GMPR: variants seen among roughly 807,000 people sequenced by gnomAD.
GMPR encodes the protein GMP reductase 1.
GMPR carries 31 observed loss-of-function variants against 38.4 expected under a neutral mutation model. The ratio of observed to expected loss-of-function variants is 0.81; its 90% CI spans 0.61 to 1.09. GMPR has a LOEUF of 1.09. GMPR is among the 50% of genes least tolerant of loss of function. The probability of loss-of-function intolerance (pLI) is 0.00; values close to 1 mark genes in which losing one functional copy is unlikely to be tolerated. For synonymous variants in GMPR, 162 were observed against 173.3 expected (o/e 0.93, Z 0.51); for missense variants, 468 against 453.7 (o/e 1.03, Z -0.29).
At chr6:16,250,505 A>G in intron 3 of GMPR, 138 bp downstream of exon 3, 1 of 651,902 alleles carries the variant, frequency 1.5e-6, no homozygotes, top group African/African-American at 1.8e-5. Flanking sequence ...ATTGCCAGGG[A>G]TTTGCTGAGA....
At chr6:16,270,169 TTA>T (rs896335749) in intron 4 of GMPR, among the ~76,000 whole-genome samples, 1 of 152,232 alleles carries the variant, frequency 6.6e-6, no homozygotes, top group Non-Finnish European at 1.5e-5. Flanking sequence ...TGGCCACTTT[TTA>T]TGTCTTTTCC....
chr6:16,292,744 C>T (rs1029631857), intron 8 of GMPR, among the ~76,000 whole-genome samples: 1 of 152,146 alleles, frequency 6.6e-6, no homozygotes, highest in African/African-American at 2.4e-5. Flanking sequence ...GTGGCTGCAT[C>T]TGTTTTGGGT....
chr6:16,263,591 ATGCAGAGATAAGAGGTCGGGT>A (rs1210704345), intron 4 of GMPR, among the ~76,000 whole-genome samples: 12 of 151,428 alleles, frequency 7.9e-5, no homozygotes, highest in East Asian at 5.8e-4. Flanking sequence ...AGGGGTTGGG[ATGCAGAGATAAGAGGTCGGGT>A]TGCAGAGATA....
chr6:16,243,539 C>A (rs1581644447), intron 1 of GMPR, among the ~76,000 whole-genome samples: 2 of 152,170 alleles, frequency 1.3e-5, no homozygotes, highest in Non-Finnish European at 1.5e-5. Flanking sequence ...CTTTTTGAGC[C>A]ACTAGGACTA....
At chr6:16,259,698 T>A (rs1233310745) in intron 4 of GMPR, among the ~76,000 whole-genome samples, 3 of 151,996 alleles carry the variant, frequency 2.0e-5, no homozygotes, top group Admixed American at 6.6e-5. Flanking sequence ...TTTGTATGAA[T>A]TGAAAAACTA....
intron 4 of GMPR, among the ~76,000 whole-genome samples, chr6:16,264,946 T>C (rs1759161650): frequency 1.3e-5 from 2 of 152,218 alleles, no homozygotes; most frequent in African/African-American, 2.4e-5. Context: ...CAGGGATTTT[T>C]AGAGAACACC....
At chr6:16,263,200 C>CTGA (rs1759121428) in intron 4 of GMPR, 1 of 151,742 alleles carries the variant, frequency 6.6e-6, no homozygotes, top group African/African-American at 2.4e-5. Context: ...TAGAGAGGGA[C>CTGA]CGATGTGTAA....
intron 4 of GMPR, chr6:16,258,970 C>G (rs1759029365): frequency 6.6e-6 from 1 of 152,212 alleles, no homozygotes; most frequent in Non-Finnish European, 1.5e-5. Flanking sequence ...GCTTGTCGCT[C>G]CCTGTGCCCA....
chr6:16,264,895 C>G lies in GMPR; in HGVS notation c.466-9520C>G, dbSNP rs1006159793. ...TAGCTTGGGCTCAGAGGCCTGACACCTTTCACCTAAGATGGGCCTTGCCAC... is the reference window on the plus strand; with the variant it reads ...TAGCTTGGGCTCAGAGGCCTGACACGTTTCACCTAAGATGGGCCTTGCCAC... On this transcript the variant is annotated intron_variant, in intron 4 of 8. Coordinates refer to ENST00000259727, the MANE Select transcript of GMPR (RefSeq NM_006877.4). Among the ~76,000 whole-genome samples, 80 of 151,522 alleles carry G rather than the reference C, an allele frequency of 5.3e-4. 1 individual carries two copies. The highest frequency in any genetic ancestry group is 1.0e-3 in the South Asian group (5 of 4,768).
At chr6:16,265,857 G>A (rs747992130) in intron 4 of GMPR, among the ~76,000 whole-genome samples, 42 of 152,248 alleles carry the variant, frequency 2.8e-4, no homozygotes, top group Non-Finnish European at 4.3e-4. Flanking sequence ...GCTGCTGCTC[G>A]CTCTTTGGGT....
At chr6:16,267,730 G>A (rs558682072) in intron 4 of GMPR, among the ~76,000 whole-genome samples, 1 of 152,292 alleles carries the variant, frequency 6.6e-6, no homozygotes, top group African/African-American at 2.4e-5. Context: ...TGTTGGCTCT[G>A]GGAGATGCTT....
In GMPR at chr6:16,274,413, A is replaced by G; in HGVS notation, c.466-2A>G. 6.3e-7 allele frequency: 1 copy of G among 1,578,124 alleles called. No homozygotes were observed. The highest frequency in any genetic ancestry group is 8.7e-7 in the Non-Finnish European group (1 of 1,147,248). On this transcript the variant is annotated splice_acceptor_variant, in intron 4 of 8. Transcript: ENST00000259727. LOFTEE classifies it high-confidence loss of function. ...TCATCAGCTGTATTCTTTCTGTCTCAGGCAGGGAACGTGGTGACAGGAGAA... is the reference window on the plus strand; with the variant it reads ...TCATCAGCTGTATTCTTTCTGTCTCGGGCAGGGAACGTGGTGACAGGAGAA...
intron 4 of GMPR, among the ~76,000 whole-genome samples, chr6:16,266,082 G>A (rs1439840429): frequency 1.3e-5 from 2 of 151,414 alleles, no homozygotes; most frequent in Non-Finnish European, 2.9e-5. Flanking sequence ...CTCCCGACGG[G>A]CTACCTTTAA....
At chr6:16,272,942 C>T (rs1267444610) in intron 4 of GMPR, among the ~76,000 whole-genome samples, 2 of 152,098 alleles carry the variant, frequency 1.3e-5, no homozygotes, top group African/African-American at 2.4e-5. Context: ...TGGTTATAGG[C>T]GTGAGCCACT....
At chr6:16,245,362 G>C (rs956757520) in intron 1 of GMPR, among the ~76,000 whole-genome samples, 1 of 152,198 alleles carries the variant, frequency 6.6e-6, no homozygotes, top group African/African-American at 2.4e-5. Flanking sequence ...GAAATGTAAA[G>C]GCTAAAGGGC....
At chr6:16,278,115 G>A (rs942302963) in intron 5 of GMPR, among the ~76,000 whole-genome samples, 4 of 152,158 alleles carry the variant, frequency 2.6e-5, no homozygotes, top group African/African-American at 9.7e-5. Flanking sequence ...GGGCTAGGCT[G>A]CAAGGGACTT....
rs150110278 is a variant in GMPR, at chr6:16,278,250, C to G, written c.548-534C>G. Among the ~76,000 whole-genome samples the G allele has an allele frequency of 1.2e-4, 18 of 152,252 alleles. No individual in the cohort carries two copies. In the East Asian group the frequency reaches 3.1e-3, roughly 26 times the overall value. ...GGCCAGGCCCTGGGCCAAGCGGTAT[C>G]CCTCCCTGTGCCATTTGTTCTCTGC... On this transcript the variant is annotated intron_variant, in intron 5 of 8. Coordinates refer to ENST00000259727, the MANE Select transcript of GMPR (RefSeq NM_006877.4).
Position 16,250,280 on chromosome 6 carries a change from C to G in GMPR, c.208-4C>G. 1 of 1,574,608 alleles carries G rather than the reference C, an allele frequency of 6.4e-7. No individual in the cohort carries two copies. The highest frequency in any genetic ancestry group is 8.7e-7 in the Non-Finnish European group (1 of 1,143,836). Reference sequence around the variant, plus strand: ...CATCCTAATGGTGCTGTTTTGTTTTCTAGCACTCCATGTTTACAGCAATTC... The same window carrying G: ...CATCCTAATGGTGCTGTTTTGTTTTGTAGCACTCCATGTTTACAGCAATTC... On this transcript the variant is annotated splice_polypyrimidine_tract_variant and splice_region_variant and intron_variant, in intron 2 of 8. Coordinates refer to ENST00000259727, the MANE Select transcript of GMPR (RefSeq NM_006877.4).
intron 7 of GMPR, among the ~76,000 whole-genome samples, chr6:16,287,767 G>A (rs1759715573): frequency 6.6e-6 from 1 of 152,182 alleles, no homozygotes. Flanking sequence ...CCCTGAAAGG[G>A]GAGGGTCTTA....
Sources: gnomAD v4.1 joint callset for allele counts (sites outside exome capture counted in the v4.1 genomes callset) on GRCh38, gnomAD v4.1.1 for gene constraint, MANE v1.5 for transcripts, NCBI Gene and HGNC (gene_info 2026-07-23, HGNC 2026-07-21) for gene names.